Variants in PPP2R2B observed in about 807,000 individuals in gnomAD.
PPP2R2B encodes serine/threonine-protein phosphatase 2A 55 kDa regulatory subunit B beta isoform.
PPP2R2B carries 5 observed loss-of-function variants against 46.0 expected under a neutral mutation model. That is an observed-to-expected ratio of 0.11 (90% CI 0.06 to 0.23). The LOEUF (loss-of-function observed/expected upper bound fraction) is 0.23, where lower values mean the gene tolerates loss of function less well. Among genes scored for constraint, PPP2R2B ranks in the 10% least tolerant of loss-of-function variants. The pLI is 1.00. For synonymous variants in PPP2R2B, 215 were observed against 206.7 expected, an observed-to-expected ratio of 1.04 and a Z score of -0.34; for missense variants, 367 against 575.0, an observed-to-expected ratio of 0.64 and a Z score of 3.70.
At chr5:146,964,138 T>G (rs914691913) in intron 1 of PPP2R2B, among the ~76,000 whole-genome samples, 5 of 152,178 alleles carry the variant, frequency 3.3e-5, no homozygotes, top group Admixed American at 6.5e-5. Flanking sequence ...CCCAAAACAT[T>G]TATCCTATTA....
At chr5:146,806,448 C>T (rs1482308849) in intron 2 of PPP2R2B, among the ~76,000 whole-genome samples, 1 of 152,076 alleles carries the variant, frequency 6.6e-6, no homozygotes, top group Non-Finnish European at 1.5e-5. Flanking sequence ...TTGTAAAATG[C>T]CTCTAGAATC....
At chr5:147,055,178 A>T (rs963098096) in intron 1 of PPP2R2B, among the ~76,000 whole-genome samples, 1 of 152,148 alleles carries the variant, frequency 6.6e-6, no homozygotes, top group Non-Finnish European at 1.5e-5. Context: ...CCAAGTACAG[A>T]CTCCAAGTGA....
chr5:146,639,605 T>G (rs948673285), intron 6 of PPP2R2B, among the ~76,000 whole-genome samples: 12 of 152,198 alleles, frequency 7.9e-5, no homozygotes, highest in Admixed American at 3.9e-4. Flanking sequence ...AGCCTTGTGA[T>G]GTGGATGCTG....
At chr5:146,976,452 T>A (rs1753233967) in intron 1 of PPP2R2B, among the ~76,000 whole-genome samples, 1 of 152,102 alleles carries the variant, frequency 6.6e-6, no homozygotes, top group South Asian at 2.1e-4. Context: ...TTTTATAGTT[T>A]TATGTTTTCC....
At chr5:146,665,776 C>T (rs1250870830) in intron 5 of PPP2R2B, among the ~76,000 whole-genome samples, 2 of 152,214 alleles carry the variant, frequency 1.3e-5, no homozygotes, top group South Asian at 2.1e-4. Context: ...CAAAACACCC[C>T]ATAAGAATTC....
chr5:146,969,924 G>A (rs1388993705), intron 1 of PPP2R2B, among the ~76,000 whole-genome samples: 3 of 152,194 alleles, frequency 2.0e-5, no homozygotes, highest in Non-Finnish European at 1.5e-5. Flanking sequence ...TTGAATTTAT[G>A]TCTGAAGCTC....
chr5:147,080,429 T>C (rs1318829032), intron 2 of PPP2R2B, among the ~76,000 whole-genome samples: 1 of 152,132 alleles, frequency 6.6e-6, no homozygotes, highest in Admixed American at 6.5e-5. Flanking sequence ...TTGCCTATCA[T>C]CCAGTGTTTT....
intron 2 of PPP2R2B, among the ~76,000 whole-genome samples, chr5:146,801,885 G>A (rs577498174): frequency 2.0e-5 from 3 of 152,116 alleles, no homozygotes; most frequent in East Asian, 1.9e-4. Flanking sequence ...GCCCAAATTC[G>A]AAGATGAGTT....
intron 1 of PPP2R2B, among the ~76,000 whole-genome samples, chr5:146,908,863 G>A (rs973702172): frequency 6.6e-6 from 1 of 151,400 alleles, no homozygotes; most frequent in Non-Finnish European, 1.5e-5. Context: ...GTGCAGTGCC[G>A]TGATCACGGC....
chr5:146,645,312 C>T (rs1403130114), intron 6 of PPP2R2B, among the ~76,000 whole-genome samples: 1 of 152,174 alleles, frequency 6.6e-6, no homozygotes, highest in East Asian at 1.9e-4. Context: ...GATGATGAGA[C>T]ACTGGAAATC....
intron 2 of PPP2R2B, among the ~76,000 whole-genome samples, chr5:146,768,208 G>A (rs1182710354): frequency 6.6e-6 from 1 of 151,946 alleles, no homozygotes; most frequent in Non-Finnish European, 1.5e-5. Flanking sequence ...CGAGTAGCTG[G>A]GACTACAGGT....
At chr5:146,728,658 G>C (rs1752033532) in intron 2 of PPP2R2B, among the ~76,000 whole-genome samples, 1 of 152,114 alleles carries the variant, frequency 6.6e-6, no homozygotes, top group South Asian at 2.1e-4. Context: ...AGGGACCCAG[G>C]GGGAGTTAAT....
chr5:146,724,832 AC>A (rs2151198244), intron 2 of PPP2R2B, among the ~76,000 whole-genome samples: 1 of 152,294 alleles, frequency 6.6e-6, no homozygotes, highest in Non-Finnish European at 1.5e-5. Flanking sequence ...GTTCTAGCTT[AC>A]ATAATTCTTT....
intron 2 of PPP2R2B, among the ~76,000 whole-genome samples, chr5:146,811,398 T>A (rs1432978234): frequency 1.3e-5 from 2 of 152,166 alleles, no homozygotes; most frequent in African/African-American, 4.8e-5. Flanking sequence ...CACATCTCCA[T>A]CTGGCTACTC....
At position 146,864,931 on chromosome 5, in the gene PPP2R2B, C is replaced by T. The variant is rs563080391; in HGVS notation, c.70+13071G>A. Among the ~76,000 whole-genome samples, 3 of 152,218 alleles carry T rather than the reference C, an allele frequency of 2.0e-5. No homozygotes were observed. The East Asian group carries it at 5.8e-4, about 29-fold the overall frequency. ...CGCCTACAGTAATTACAAAGGTATT[C>T]CTTGGGATAGCCATTTTAGAAGGTA... On this transcript the variant is annotated intron_variant, in intron 2 of 9. Coordinates refer to ENST00000394411, the MANE Select transcript of PPP2R2B (RefSeq NM_181675.4).
intron 1 of PPP2R2B, among the ~76,000 whole-genome samples, chr5:146,885,516 C>A (rs1473802141): frequency 1.3e-5 from 2 of 152,234 alleles, no homozygotes; most frequent in Non-Finnish European, 2.9e-5. Context: ...TCAAATCCTA[C>A]ATTGCTTCTG....
intron 2 of PPP2R2B, among the ~76,000 whole-genome samples, chr5:146,863,932 C>T (rs28774676): frequency 0.021 from 3,157 of 152,152 alleles, 74 homozygotes; most frequent in African/African-American, 0.066. Context: ...GACTAAAAAT[C>T]GCTCACTGAA....
At chr5:146,989,211 C>G (rs185153510) in intron 1 of PPP2R2B, among the ~76,000 whole-genome samples, 85 of 151,894 alleles carry the variant, frequency 5.6e-4, no homozygotes, top group African/African-American at 1.8e-3. Flanking sequence ...TAAACTCTTC[C>G]AAAAAGCTAA....
In PPP2R2B at chr5:146,962,379, C is replaced by T. The variant is rs536263733; in HGVS notation, c.79+93286G>A. ...GCATTAAAACCAGACAAGGAAGCGG[C>T]TGGGTGTGGTGGCTCATGCCTGTAA... On this transcript the variant is annotated intron_variant, in intron 1 of 8. Transcript: ENST00000336640. Among the ~76,000 whole-genome samples the T allele has an allele frequency of 3.3e-5, 5 of 151,830 alleles. No homozygotes were observed. The South Asian group carries it at 1.0e-3, about 32-fold the overall frequency.
Sources: gnomAD v4.1 joint callset for allele counts (sites outside exome capture counted in the v4.1 genomes callset) on GRCh38, gnomAD v4.1.1 for gene constraint, MANE v1.5 for transcripts, NCBI Gene and HGNC (gene_info 2026-07-23, HGNC 2026-07-21) for gene names.